The following LIPA variants were observed in gnomAD, a reference collection of about 807,000 sequenced individuals.
The protein encoded by LIPA is lysosomal acid lipase/cholesteryl ester hydrolase.
LIPA carries 26 observed loss-of-function variants against 40.6 expected under a neutral mutation model. That is an observed-to-expected ratio of 0.64 (90% CI 0.47 to 0.89). The LOEUF (loss-of-function observed/expected upper bound fraction) is 0.89, where lower values mean the gene tolerates loss of function less well. Among genes scored for constraint, LIPA ranks in the 40% least tolerant of loss-of-function variants. The pLI is 0.00. For missense variants in LIPA, 455 were observed against 479.6 expected (o/e 0.95, Z 0.48); for synonymous variants, 188 against 168.4 (o/e 1.12, Z -0.90).
intron 1 of LIPA, chr10:89,332,443 TCCCCTC>T (rs2133545339): frequency 2.1e-6 from 3 of 1,413,598 alleles, no homozygotes; most frequent in Admixed American, 2.9e-5. Context: ...TGTTTCAGTT[TCCCCTC>T]AAGAGGGATC....
At chr10:89,410,188 T>C (rs1274365644) in intron 2 of LIPA, among the ~76,000 whole-genome samples, 2 of 152,144 alleles carry the variant, frequency 1.3e-5, no homozygotes, top group Middle Eastern at 3.2e-3. Flanking sequence ...ATCAAAATAA[T>C]ATAAGGAAAG....
intron 1 of LIPA, among the ~76,000 whole-genome samples, chr10:89,261,090 A>G (rs1019111958): frequency 1.2e-4 from 18 of 152,366 alleles, no homozygotes; most frequent in African/African-American, 3.6e-4. Flanking sequence ...ATGGACACCT[A>G]CTAAAGAACT....
chr10:89,314,614 G>A (rs1358149650), intron 1 of LIPA: 3 of 152,292 alleles, frequency 2.0e-5, no homozygotes, highest in Admixed American at 6.5e-5. Flanking sequence ...GTTGCAGTGA[G>A]CCGAGATTGT....
chr10:89,377,368 C>T (rs1278787131), intron 2 of LIPA, among the ~76,000 whole-genome samples: 2 of 152,216 alleles, frequency 1.3e-5, no homozygotes, highest in African/African-American at 2.4e-5. Context: ...TGTTTCTCTA[C>T]TGACCAGCTC....
chr10:89,254,719 G>A (rs138799518), upstream of LIPA, among the ~76,000 whole-genome samples: 38 of 152,106 alleles, frequency 2.5e-4, no homozygotes, highest in African/African-American at 7.5e-4. Flanking sequence ...TTTATGTTTT[G>A]TTTCCCTTTT....
chr10:89,392,363 C>G (rs1033201286), intron 2 of LIPA, among the ~76,000 whole-genome samples: 13 of 152,104 alleles, frequency 8.5e-5, no homozygotes, highest in African/African-American at 2.7e-4. Flanking sequence ...GGACGTGAAT[C>G]TCGTTCCAAA....
At chr10:89,368,562 A>T (rs567004811) in intron 2 of LIPA, among the ~76,000 whole-genome samples, 1 of 152,290 alleles carries the variant, frequency 6.6e-6, no homozygotes, top group African/African-American at 2.4e-5. Flanking sequence ...TCTTGGGACC[A>T]TTGTCTTAAG....
intron 2 of LIPA, chr10:89,383,955 A>AGAT: frequency 6.2e-7 from 1 of 1,614,232 alleles, no homozygotes; most frequent in South Asian, 1.1e-5. Context: ...GGCTAAATCC[A>AGAT]GATGATGTAT....
intron 1 of LIPA, among the ~76,000 whole-genome samples, chr10:89,331,003 TAA>T (rs1327393509): frequency 7.0e-6 from 1 of 143,806 alleles, no homozygotes; most frequent in Admixed American, 6.9e-5. Context: ...AGGATCCAGT[TAA>T]AAGAGTTTAT....
chr10:89,364,435 G>C (rs1844044167), intron 2 of LIPA, among the ~76,000 whole-genome samples: 1 of 152,034 alleles, frequency 6.6e-6, no homozygotes, highest in Non-Finnish European at 1.5e-5. Flanking sequence ...TACAAACAAA[G>C]CACATGGGCA....
chr10:89,383,926 G>T (rs147758253), intron 2 of LIPA: 1 of 1,614,128 alleles, frequency 6.2e-7, no homozygotes, highest in Non-Finnish European at 8.5e-7. Context: ...TTCTCTGCAC[G>T]TCCTAAAACG....
intron 1 of LIPA, among the ~76,000 whole-genome samples, chr10:89,268,878 C>T (rs553889046): frequency 1.3e-5 from 2 of 151,140 alleles, no homozygotes; most frequent in East Asian, 1.9e-4. Flanking sequence ...CCCAGCTACT[C>T]GGGAGGCTGA....
At chr10:89,257,319 A>C (rs895650972) in intron 1 of LIPA, among the ~76,000 whole-genome samples, 2 of 152,232 alleles carry the variant, frequency 1.3e-5, no homozygotes, top group African/African-American at 2.4e-5. Flanking sequence ...CAACTTTCAC[A>C]ACTATAAAAA....
In LIPA at chr10:89,315,918, AT is replaced by A. The variant is rs937189625; in HGVS notation, c.-2+26692del. ...GGACAATTTACTGGACAAAACTACT[AT>A]TTTTTTTTATTATACTTTAAGTTTT... On this transcript the variant is annotated intron_variant, in intron 1 of 5. Transcript: ENST00000282673. Among the ~76,000 whole-genome samples, 509 of 151,554 alleles carry A rather than the reference AT, an allele frequency of 3.4e-3. 2 individuals are homozygous for A. The highest frequency in any genetic ancestry group is 1.0e-2 in the African/African-American group (411 of 41,304).
chr10:89,391,624 G>A (rs185922980), intron 2 of LIPA, among the ~76,000 whole-genome samples: 82 of 152,004 alleles, frequency 5.4e-4, no homozygotes, highest in African/African-American at 1.9e-3. Context: ...CTGCCTCCCA[G>A]GTTCAAGCAA....
At chr10:89,302,015 G>A in intron 1 of LIPA, 1 of 1,203,592 alleles carries the variant, frequency 8.3e-7, no homozygotes, top group South Asian at 1.3e-5. Context: ...GAGGCCACTT[G>A]TATATATAGG....
chr10:89,221,480 C>T lies in LIPA; in HGVS notation c.894+1031G>A, dbSNP rs559173910. Among the ~76,000 whole-genome samples, 3 of 152,310 alleles carry T rather than the reference C, an allele frequency of 2.0e-5. No homozygotes were observed. The East Asian group carries it at 5.8e-4, about 29-fold the overall frequency. ...CAAGAATTCCACTATAATTCCAACT[C>T]TCATTACTTTTTTAATGCAATGATT... On this transcript the variant is annotated intron_variant, in intron 8 of 9. Transcript: ENST00000336233.
At position 89,227,077 on chromosome 10, in the gene LIPA, T is replaced by A. The variant is rs920225536; in HGVS notation, c.429-73A>T. On this transcript the variant is annotated intron_variant, in intron 4 of 9. Coordinates refer to ENST00000336233, the MANE Select transcript of LIPA (RefSeq NM_000235.4). ...GAGCACACACATACTGAGTATGCAG[T>A]TTGATGAGTTATCACAAACTAAACA... is the stretch of plus-strand genomic sequence containing the variant. 4.2e-6 allele frequency: 4 copies of A among 942,124 alleles called. No individual in the cohort carries two copies. The Admixed American group carries it at 6.8e-5, about 16-fold the overall frequency. 58.4% of individuals were successfully genotyped at this position (942,124 alleles called of 1,614,324 possible). A position where few individuals can be genotyped will look rare whatever the true frequency, so the allele number is the denominator to read the frequency against.
intron 3 of LIPA, among the ~76,000 whole-genome samples, chr10:89,236,819 T>C (rs1336244776): frequency 2.0e-5 from 3 of 152,016 alleles, no homozygotes; most frequent in African/African-American, 7.3e-5. Context: ...ACTCTAATAT[T>C]CAAGATAAAG....
Sources: allele counts gnomAD v4.1 joint callset (sites outside exome capture counted in the v4.1 genomes callset), GRCh38; gene constraint gnomAD v4.1.1; transcripts MANE v1.5; gene names NCBI Gene and HGNC (gene_info 2026-07-23, HGNC 2026-07-21).